ITPR2: variants seen among roughly 807,000 people sequenced by gnomAD.
The protein encoded by ITPR2 is inositol 1,4,5-trisphosphate receptor type 2.
A neutral mutation model predicts 317.1 loss-of-function variants in ITPR2; 207 were observed. The observed-to-expected ratio is 0.65, with a 90% CI of 0.58 to 0.73. The LOEUF is 0.73. Among genes scored for constraint, ITPR2 ranks in the 30% least tolerant of loss-of-function variants. The pLI is 0.00. For missense variants in ITPR2, 2,613 were observed against 3,284.0 expected (o/e 0.80, Z 4.99); for synonymous variants, 1,156 against 1,149.1 (o/e 1.01, Z -0.12).
At chr12:26,391,569 T>C (rs1390751321) in intron 54 of ITPR2, among the ~76,000 whole-genome samples, 13 of 133,260 alleles carry the variant, frequency 9.8e-5, no homozygotes, top group African/African-American at 3.8e-4. Context: ...TTTTTTTTTT[T>C]TTTTTTTTTT....
chr12:26,706,975 T>C (rs574697799), intron 9 of ITPR2, among the ~76,000 whole-genome samples: 1 of 152,274 alleles, frequency 6.6e-6, no homozygotes, highest in East Asian at 1.9e-4. Flanking sequence ...TCTCTAACAG[T>C]CCATGTCTAT....
rs551315529 is a variant in ITPR2, at chr12:26,790,201, T to C, written c.119A>G (p.His40Arg). ...GTTGGCAAGGTCCCCGGCCTCTGGG[T>C]GCACCACACATCTGTCATCCACTAA... is the stretch of plus-strand genomic sequence containing the variant. ...LGLVDDRCVV[H>R]PEAGDLANPP... Residue 40 changes from histidine to arginine, a missense_variant, in exon 2 of 57, where the codon CAC (histidine) becomes CGC (arginine). His to Arg is a conservative substitution (Grantham distance 29). This residue lies in a region of ITPR2 where 515 missense variants were observed against 789.4 expected (regional missense o/e 0.65). Coordinates refer to ENST00000381340, the MANE Select transcript of ITPR2 (RefSeq NM_002223.4). The C allele has an allele frequency of 1.9e-6, 3 of 1,613,874 alleles. No individual in the cohort carries two copies. The highest frequency in any genetic ancestry group is 1.1e-5 in the South Asian group (1 of 91,082).
intron 13 of ITPR2, among the ~76,000 whole-genome samples, chr12:26,670,752 G>T (rs1237493242): frequency 6.6e-6 from 1 of 152,172 alleles, no homozygotes; most frequent in Non-Finnish European, 1.5e-5. Flanking sequence ...AAACTACTCC[G>T]AGCTACAGGA....
intron 13 of ITPR2, among the ~76,000 whole-genome samples, chr12:26,679,820 T>C (rs112799022): frequency 0.14 from 20,662 of 152,126 alleles, 1,803 homozygotes; most frequent in Non-Finnish European, 0.2. Flanking sequence ...TCCTCCTCCA[T>C]GTCGCTTCAA....
chr12:26,537,559 G>C (rs1419528755), intron 37 of ITPR2, among the ~76,000 whole-genome samples: 1 of 152,144 alleles, frequency 6.6e-6, no homozygotes, highest in Non-Finnish European at 1.5e-5. Flanking sequence ...ATGTCTCTGA[G>C]TCAGTATCTT....
intron 13 of ITPR2, among the ~76,000 whole-genome samples, chr12:26,666,400 T>C (rs1403976600): frequency 6.6e-6 from 1 of 152,208 alleles, no homozygotes; most frequent in Non-Finnish European, 1.5e-5. Context: ...TTGCAGACTA[T>C]TATCAAATAA....
intron 45 of ITPR2, among the ~76,000 whole-genome samples, chr12:26,452,548 T>C (rs1182612907): frequency 3.9e-5 from 6 of 152,078 alleles, no homozygotes; most frequent in African/African-American, 1.4e-4. Context: ...GTCCCCAGTG[T>C]GGTGGTGTTG....
At chr12:26,542,398 G>A (rs776215225) in intron 37 of ITPR2, among the ~76,000 whole-genome samples, 10 of 152,132 alleles carry the variant, frequency 6.6e-5, no homozygotes, top group African/African-American at 1.7e-4. Context: ...GCTCAGAAGC[G>A]CAACTGTTTA....
chr12:26,452,354 TAAC>T (rs1278521058), intron 45 of ITPR2, among the ~76,000 whole-genome samples: 2 of 141,784 alleles, frequency 1.4e-5, no homozygotes, highest in African/African-American at 5.3e-5. Flanking sequence ...ATACTCTTAA[TAAC>T]AGTACATTTA....
At chr12:26,439,877 T>C (rs1941444134) in intron 46 of ITPR2, among the ~76,000 whole-genome samples, 1 of 152,192 alleles carries the variant, frequency 6.6e-6, no homozygotes, top group Non-Finnish European at 1.5e-5. Flanking sequence ...TACCCACATT[T>C]AAATACTCAT....
At chr12:26,478,378 A>C (rs781759825) in intron 43 of ITPR2, among the ~76,000 whole-genome samples, 6 of 152,060 alleles carry the variant, frequency 3.9e-5, no homozygotes, top group Non-Finnish European at 8.8e-5. Context: ...CATAAATAAC[A>C]TACCTAAAAG....
intron 10 of ITPR2, among the ~76,000 whole-genome samples, chr12:26,693,182 GC>G (rs994885262): frequency 6.6e-6 from 1 of 152,172 alleles, no homozygotes; most frequent in Non-Finnish European, 1.5e-5. Context: ...AACATCTACA[GC>G]AAAAGCAGAC....
intron 14 of ITPR2, among the ~76,000 whole-genome samples, chr12:26,665,273 T>C (rs1427091505): frequency 6.6e-6 from 1 of 152,190 alleles, no homozygotes; most frequent in East Asian, 1.9e-4. Context: ...GATGGCACTT[T>C]CCAAGTTCAC....
At chr12:26,605,363 G>A (rs1591953635) in intron 26 of ITPR2, among the ~76,000 whole-genome samples, 1 of 148,094 alleles carries the variant, frequency 6.8e-6, no homozygotes, top group East Asian at 2.0e-4. Flanking sequence ...CAAAGGTGAA[G>A]GCTGGATTTT....
chr12:26,478,978 C>A (rs899774761), intron 43 of ITPR2, among the ~76,000 whole-genome samples: 4 of 151,526 alleles, frequency 2.6e-5, no homozygotes, highest in Admixed American at 2.0e-4. Flanking sequence ...AATATGGTAT[C>A]TTTTTAATGT....
intron 55 of ITPR2, among the ~76,000 whole-genome samples, chr12:26,384,436 T>G (rs1263628703): frequency 6.6e-6 from 1 of 152,210 alleles, no homozygotes; most frequent in Non-Finnish European, 1.5e-5. Flanking sequence ...TTCTCTTGGA[T>G]GTGCACTGCT....
intron 2 of ITPR2, among the ~76,000 whole-genome samples, chr12:26,789,023 A>C (rs1950302131): frequency 6.6e-6 from 1 of 152,126 alleles, no homozygotes; most frequent in South Asian, 2.1e-4. Context: ...GTCCATCCTC[A>C]GTGGAAACTA....
chr12:26,458,118 G>A (rs1941934326), intron 45 of ITPR2, among the ~76,000 whole-genome samples: 1 of 152,132 alleles, frequency 6.6e-6, no homozygotes, highest in Admixed American at 6.5e-5. Flanking sequence ...GCTTCCCTGT[G>A]GAAAGTGAAT....
At chr12:26,617,916 G>A (rs1326472293) in intron 26 of ITPR2, among the ~76,000 whole-genome samples, 1 of 152,096 alleles carries the variant, frequency 6.6e-6, no homozygotes, top group Non-Finnish European at 1.5e-5. Flanking sequence ...AAATCACCAA[G>A]ATATTTTAAA....
Sources: gnomAD v4.1 joint callset for allele counts (sites outside exome capture counted in the v4.1 genomes callset) on GRCh38, gnomAD v4.1.1 for gene constraint, gnomAD v4.1.1 regional missense constraint, MANE v1.5 for transcripts, NCBI Gene and HGNC (gene_info 2026-07-23, HGNC 2026-07-21) for gene names.